The following PRKCA variants were observed in gnomAD, a reference collection of about 807,000 sequenced individuals.
PRKCA encodes protein kinase C alpha.
PRKCA carries 27 observed loss-of-function variants against 87.0 expected under a neutral mutation model. The observed-to-expected ratio is 0.31, with a 90% CI of 0.23 to 0.43. The LOEUF is 0.43. Ranked by LOEUF, PRKCA falls within the 20% of genes least tolerant of loss-of-function variation. PRKCA has a pLI of 1.00. For synonymous variants in PRKCA, 329 were observed against 311.1 expected (o/e 1.06, Z -0.61); for missense variants, 518 against 852.3 (o/e 0.61, Z 4.88).
At chr17:66,780,773 T>G (rs1224941453) in intron 14 of PRKCA, among the ~76,000 whole-genome samples, 1 of 152,124 alleles carries the variant, frequency 6.6e-6, no homozygotes, top group Non-Finnish European at 1.5e-5. Flanking sequence ...GCTTTTTTCG[T>G]AGACTTCCCT....
At chr17:66,322,572 C>G (rs978971895) in intron 2 of PRKCA, among the ~76,000 whole-genome samples, 1 of 152,042 alleles carries the variant, frequency 6.6e-6, no homozygotes, top group African/African-American at 2.4e-5. Flanking sequence ...AAGAAACCCT[C>G]CCACCTTAGC....
intron 2 of PRKCA, among the ~76,000 whole-genome samples, chr17:66,350,199 T>C (rs1388834769): frequency 6.6e-6 from 1 of 152,160 alleles, no homozygotes; most frequent in Non-Finnish European, 1.5e-5. Context: ...CTTTGGAAAC[T>C]GGCTTTTCAC....
intron 3 of PRKCA, among the ~76,000 whole-genome samples, chr17:66,588,750 A>G (rs1245091108): frequency 1.4e-5 from 2 of 139,706 alleles, no homozygotes; most frequent in Admixed American, 8.2e-5. Flanking sequence ...AAGCAATTCT[A>G]GTGCCCTAGC....
chr17:66,393,201 C>T (rs1310211941), intron 2 of PRKCA, among the ~76,000 whole-genome samples: 1 of 152,082 alleles, frequency 6.6e-6, no homozygotes, highest in Non-Finnish European at 1.5e-5. Flanking sequence ...TTTAAACCCC[C>T]TTTGGAGTCT....
intron 2 of PRKCA, among the ~76,000 whole-genome samples, chr17:66,385,167 G>A (rs1320539059): frequency 1.3e-5 from 2 of 152,106 alleles, no homozygotes. Flanking sequence ...GGCACTGTGT[G>A]GGGCTCAACT....
chr17:66,310,884 G>A (rs1216017648), intron 2 of PRKCA, among the ~76,000 whole-genome samples: 1 of 152,158 alleles, frequency 6.6e-6, no homozygotes, highest in Non-Finnish European at 1.5e-5. Flanking sequence ...AGGAGACTGA[G>A]GTACAAGTTG....
intron 2 of PRKCA, among the ~76,000 whole-genome samples, chr17:66,322,114 T>C (rs1419210353): frequency 6.6e-6 from 1 of 152,244 alleles, no homozygotes; most frequent in Non-Finnish European, 1.5e-5. Context: ...ATATTGGTTC[T>C]CATTGGCAGT....
intron 2 of PRKCA, among the ~76,000 whole-genome samples, chr17:66,432,095 G>A (rs1913128455): frequency 6.6e-6 from 1 of 152,138 alleles, no homozygotes; most frequent in Admixed American, 6.5e-5. Flanking sequence ...CAACAACAAG[G>A]TAAATTTATT....
chr17:66,653,660 G>A (rs950696829), intron 5 of PRKCA, among the ~76,000 whole-genome samples: 7 of 152,124 alleles, frequency 4.6e-5, no homozygotes, highest in African/African-American at 7.2e-5. Context: ...ACATCAAGGA[G>A]TTGGGGAATG....
intron 3 of PRKCA, among the ~76,000 whole-genome samples, chr17:66,612,495 A>G (rs938277084): frequency 6.6e-6 from 1 of 152,128 alleles, no homozygotes; most frequent in Non-Finnish European, 1.5e-5. Flanking sequence ...TTTAGGGCTC[A>G]TTCTGGTAGT....
chr17:66,742,179 A>G (rs3803820), intron 12 of PRKCA, among the ~76,000 whole-genome samples: 22,368 of 152,242 alleles, frequency 0.15, 2,505 homozygotes, highest in African/African-American at 0.31. Context: ...TAATTGAAGC[A>G]TAATTAGAAG....
Position 66,666,298 on chromosome 17 carries a change from G to C in PRKCA, c.529+20787G>C, listed in dbSNP as rs936711573. Reference sequence around the variant, plus strand: ...AAATGTTGGATGGCAGCAGACTAAGGTTTAACATTCATCTCAAGTTAGAGG... The same window carrying C: ...AAATGTTGGATGGCAGCAGACTAAGCTTTAACATTCATCTCAAGTTAGAGG... On this transcript the variant is annotated intron_variant, in intron 5 of 16. Coordinates refer to ENST00000413366, the MANE Select transcript of PRKCA (RefSeq NM_002737.3). Among the ~76,000 whole-genome samples, 16 of 152,286 alleles carry C rather than the reference G, an allele frequency of 1.1e-4. 1 individual carries two copies. The highest frequency in any genetic ancestry group is 1.6e-4 in the Non-Finnish European group (11 of 68,016).
chr17:66,392,496 T>C (rs1402811869), intron 2 of PRKCA, among the ~76,000 whole-genome samples: 1 of 152,186 alleles, frequency 6.6e-6, no homozygotes, highest in African/African-American at 2.4e-5. Context: ...AGGTTTGATT[T>C]TTATGATTCC....
chr17:66,692,566 C>T (rs563257296), intron 8 of PRKCA, among the ~76,000 whole-genome samples: 2 of 152,318 alleles, frequency 1.3e-5, no homozygotes, highest in East Asian at 1.9e-4. Flanking sequence ...TTCTGGGTAG[C>T]AGCCAGGCTT....
At chr17:66,753,440 G>A (rs1974480444) in intron 13 of PRKCA, among the ~76,000 whole-genome samples, 2 of 152,178 alleles carry the variant, frequency 1.3e-5, no homozygotes, top group African/African-American at 4.8e-5. Context: ...AGGTTGGGGT[G>A]CTATGATGGA....
intron 2 of PRKCA, among the ~76,000 whole-genome samples, chr17:66,320,929 A>C (rs1341479040): frequency 6.6e-6 from 1 of 152,220 alleles, no homozygotes; most frequent in Non-Finnish European, 1.5e-5. Context: ...GTAGTTTTGC[A>C]TTCTGTAGTT....
Position 66,574,859 on chromosome 17 carries a change from A to G in PRKCA, c.289-66496A>G, listed in dbSNP as rs577238506. ...ATAAATTAGGCACAGTAAGAGATTA[A>G]CAACAATAATAAAATAGAACAATTC... On this transcript the variant is annotated intron_variant, in intron 3 of 16. Transcript: ENST00000413366. Among the ~76,000 whole-genome samples the G allele has an allele frequency of 3.2e-4, 48 of 152,352 alleles. 3 individuals are homozygous for G. The South Asian group carries it at 9.9e-3, about 32-fold the overall frequency.
intron 3 of PRKCA, among the ~76,000 whole-genome samples, chr17:66,610,561 A>G (rs1279397768): frequency 6.6e-6 from 1 of 152,202 alleles, no homozygotes; most frequent in Non-Finnish European, 1.5e-5. Context: ...GGAAATTCCA[A>G]GGGATTAGCT....
chr17:66,610,602 A>C (rs1324818773), intron 3 of PRKCA, among the ~76,000 whole-genome samples: 1 of 152,256 alleles, frequency 6.6e-6, no homozygotes, highest in East Asian at 1.9e-4. Context: ...TGAGTGCTTG[A>C]GTCGCAAAGG....
Sources: gnomAD v4.1 joint callset for allele counts (sites outside exome capture counted in the v4.1 genomes callset) on GRCh38, gnomAD v4.1.1 for gene constraint, MANE v1.5 for transcripts, NCBI Gene and HGNC (gene_info 2026-07-23, HGNC 2026-07-21) for gene names.